TPBG: variants seen among roughly 807,000 people sequenced by gnomAD.
The protein encoded by TPBG is trophoblast glycoprotein.
A neutral mutation model predicts 19.3 loss-of-function variants in TPBG; 13 were observed. The ratio of observed to expected loss-of-function variants is 0.67; its 90% confidence interval spans 0.44 to 1.07. The LOEUF (loss-of-function observed/expected upper bound fraction) is 1.07. TPBG is among the 50% of genes least tolerant of loss of function. The probability of loss-of-function intolerance (pLI) is 0.00; values close to 1 mark genes in which losing one functional copy is unlikely to be tolerated. For synonymous variants in TPBG, 338 were observed against 259.8 expected, an observed-to-expected ratio of 1.30 and a Z score of -2.89; for missense variants, 642 against 559.6, an observed-to-expected ratio of 1.15 and a Z score of -1.49.
Position 82,365,151 on chromosome 6 carries a change from G to A in TPBG, c.190G>A (p.Ala64Thr), listed in dbSNP as rs1290573081. ...AQPPLPDQCP[A>T]LCECSEAART... ...GCCCCCGCTGCCGGACCAGTGCCCC[G>A]CGCTGTGCGAGTGCTCCGAGGCAGC... The change falls in exon 2 of 2, where the codon GCG (alanine) becomes ACG (threonine). Residue 64 changes from alanine (A) to threonine (T), a missense_variant. By Grantham distance (58) the Ala-to-Thr change is moderately conservative. Transcript: ENST00000369750. 6.2e-7 allele frequency: 1 copy of A among 1,604,984 alleles called. No individual in the cohort carries two copies. The highest frequency in any genetic ancestry group is 8.5e-7 in the Non-Finnish European group (1 of 1,176,712).
In TPBG at chr6:82,365,919, C is replaced by CG; in HGVS notation, c.960dup (p.Leu321AlafsTer21). ...AACAGAGGTAGTGCAGGGCAAAGAC[C>CG]GGCTCACCTGTGCATATCCGGAAAA... On this transcript the variant is annotated frameshift_variant, in exon 2 of 2. Transcript: ENST00000369750. LOFTEE classifies it high-confidence loss of function. 5 of 1,614,148 alleles carry CG rather than the reference C, an allele frequency of 3.1e-6. No homozygotes were observed. In the Middle Eastern group the frequency reaches 6.6e-4, roughly 213 times the overall value.
chr6:82,365,643 G>C lies in TPBG; in HGVS notation c.682G>C (p.Asp228His). ...ASNHFLYLPR[D>H]VLAQLPSLRH... ...CAACCACTTCCTTTACCTGCCGCGG[G>C]ATGTGCTGGCCCAACTGCCCAGCCT... The change falls in exon 2 of 2, where the codon GAT becomes CAT. Residue 228 changes from aspartate to histidine, a missense_variant. Coordinates refer to ENST00000369750, the MANE Select transcript of TPBG (RefSeq NM_001376922.1). 6.2e-7 allele frequency: 1 copy of C among 1,605,244 alleles called. No individual in the cohort carries two copies. The highest frequency in any genetic ancestry group is 1.7e-4 in the Middle Eastern group (1 of 6,010).
Position 82,366,101 on chromosome 6 carries a change from G to T in TPBG, c.1140G>T (p.Gly380=). 1 of 1,614,184 alleles carries T rather than the reference G, an allele frequency of 6.2e-7. No individual in the cohort carries two copies. The highest frequency in any genetic ancestry group is 8.5e-7 in the Non-Finnish European group (1 of 1,180,036). The part of the protein sequence containing the change: ...FLLVLYLNRK[G]IKKWMHNIRD... Reference sequence around the variant, plus strand: ...TGGTTTTGTATTTGAACCGCAAGGGGATAAAAAAGTGGATGCATAACATCA... The same window carrying T: ...TGGTTTTGTATTTGAACCGCAAGGGTATAAAAAAGTGGATGCATAACATCA... The change falls in exon 2 of 2, where the codon GGG becomes GGT. Residue 380 remains glycine (G), a synonymous_variant. Coordinates refer to ENST00000369750, the MANE Select transcript of TPBG (RefSeq NM_001376922.1).
In TPBG at chr6:82,366,455, C is replaced by T. The variant is rs1449583933; in HGVS notation, c.*231C>T. 4.5e-6 allele frequency: 2 copies of T among 449,208 alleles called. No individual in the cohort carries two copies. Among genetic ancestry groups the T allele is most frequent in the Non-Finnish European group, 8.0e-6 (2 of 251,436 alleles). 27.8% of individuals were successfully genotyped at this position (449,208 alleles called of 1,614,324 possible). On this transcript the variant is annotated 3_prime_UTR_variant, in exon 2 of 2. Coordinates refer to ENST00000369750, the MANE Select transcript of TPBG (RefSeq NM_001376922.1). ...TTACCCTCTTCTTTTTCTTGGAACT[C>T]CTCAACACGTATGGAGGGATTTTTC...
Position 82,366,695 on chromosome 6 carries a change from C to G in TPBG, c.*471C>G, listed in dbSNP as rs928548389. ...TAAACTGCCTGCAGACGTTAGCAGGCTCTTCAAAATAACTCCATGGTGCAC... is the reference window on the plus strand; with the variant it reads ...TAAACTGCCTGCAGACGTTAGCAGGGTCTTCAAAATAACTCCATGGTGCAC... On this transcript the variant is annotated 3_prime_UTR_variant, in exon 2 of 2. Coordinates refer to ENST00000369750, the MANE Select transcript of TPBG (RefSeq NM_001376922.1). 3.6e-5 allele frequency: 6 copies of G among 168,150 alleles called. No individual in the cohort carries two copies. Among genetic ancestry groups the G allele is most frequent in the Admixed American group, 1.9e-4 (3 of 15,438 alleles). 10.4% of individuals were successfully genotyped at this position (168,150 alleles called of 1,614,324 possible).
Position 82,365,302 on chromosome 6 carries a change from G to A in TPBG, c.341G>A (p.Arg114Gln), listed in dbSNP as rs762542188. ...CTCCCTGCCGGCGCCTTCGCCCGCC[G>A]GCCGCCGCTGGCGGAGCTGGCCGCG... Reference protein sequence around the residue: ...AVLPAGAFARRPPLAELAALN... With the variant: ...AVLPAGAFARQPPLAELAALN... The change falls in exon 2 of 2, where the codon CGG becomes CAG. Residue 114 changes from arginine to glutamine, a missense_variant. Arg to Gln is a conservative substitution (Grantham distance 43, BLOSUM62 1). Coordinates refer to ENST00000369750, the MANE Select transcript of TPBG (RefSeq NM_001376922.1). 8 of 1,564,656 alleles carry A rather than the reference G, an allele frequency of 5.1e-6. No homozygotes were observed. Among genetic ancestry groups the A allele is most frequent in the Non-Finnish European group, 6.9e-6 (8 of 1,165,624 alleles).
intron 1 of TPBG, 126 bp from the exon 2 acceptor site, chr6:82,364,497 G>T (rs745560221): frequency 5.1e-5 from 8 of 157,200 alleles, no homozygotes; most frequent in Non-Finnish European, 9.8e-5. Context: ...AGGCGAGGCC[G>T]GGGCGGGCTT....
Position 82,365,939 on chromosome 6 carries a change from G to C in TPBG, c.978G>C (p.Pro326=). The stretch of plus-strand genomic sequence containing the variant: ...AAGACCGGCTCACCTGTGCATATCC[G>C]GAAAAAATGAGGAATCGGGTCCTCT... ...QGKDRLTCAY[P]EKMRNRVLLE... The change falls in exon 2 of 2, where the codon CCG becomes CCC. Residue 326 remains proline (P), a synonymous_variant. Transcript: ENST00000369750. The C allele has an allele frequency of 6.2e-7, 1 of 1,614,008 alleles. No homozygotes were observed. The highest frequency in any genetic ancestry group is 8.5e-7 in the Non-Finnish European group (1 of 1,180,004).
upstream of TPBG, chr6:82,363,325 T>C (rs1185751588): frequency 6.6e-6 from 1 of 152,054 alleles, no homozygotes; most frequent in African/African-American, 2.4e-5. Flanking sequence ...AATCTGAAGT[T>C]TGCGGCCTCA....
chr6:82,365,126 G>T lies in TPBG; in HGVS notation c.165G>T (p.Gln55His). 2 of 1,598,430 alleles carry T rather than the reference G, an allele frequency of 1.3e-6. No individual in the cohort carries two copies. Among genetic ancestry groups the T allele is most frequent in the Non-Finnish European group, 1.7e-6 (2 of 1,173,272 alleles). Residue 55 changes from glutamine to histidine, a missense_variant, in exon 2 of 2, where the codon CAG becomes CAT. Coordinates refer to ENST00000369750, the MANE Select transcript of TPBG (RefSeq NM_001376922.1). ...TCCTGGCTTCCGCCGTGTCCGCCCA[G>T]CCCCCGCTGCCGGACCAGTGCCCCG... The part of the protein sequence containing the change: ...APFLASAVSA[Q>H]PPLPDQCPAL...
chr6:82,363,512 T>A (rs1274469223), upstream of TPBG: 1 of 152,108 alleles, frequency 6.6e-6, no homozygotes, highest in African/African-American at 2.4e-5. Context: ...TTCCACGAGA[T>A]TCACCAGCGG....
Position 82,367,363 on chromosome 6 carries a change from A to T in TPBG, c.*1139A>T, listed in dbSNP as rs1463127585. 6.7e-6 allele frequency: 1 copy of T among 149,796 alleles called. No homozygotes were observed. The highest frequency in any genetic ancestry group is 2.5e-5 in the African/African-American group (1 of 40,096). 9.3% of individuals were successfully genotyped at this position (149,796 alleles called of 1,614,324 possible). A position where few individuals can be genotyped will look rare whatever the true frequency, so the allele number is the denominator to read the frequency against. ...AAATGTAATGCAAATAAATATAAAGATAAAGTGTCTTAAAGACAATATTCT... is the reference window on the plus strand; with the variant it reads ...AAATGTAATGCAAATAAATATAAAGTTAAAGTGTCTTAAAGACAATATTCT... On this transcript the variant is annotated 3_prime_UTR_variant, in exon 2 of 2. Transcript: ENST00000369750.
rs1460943554 is a variant in TPBG at position 82,366,371 on chromosome 6, TG to T, written c.*148del. ...GTGAAGGGGATTTGCTTCCTTGTTATGTAAAGTTTCTCGGTGTGTTCTGTTA... is the reference window on the plus strand; with the variant it reads ...GTGAAGGGGATTTGCTTCCTTGTTATTAAAGTTTCTCGGTGTGTTCTGTTA... On this transcript the variant is annotated 3_prime_UTR_variant, in exon 2 of 2. Coordinates refer to ENST00000369750, the MANE Select transcript of TPBG (RefSeq NM_001376922.1). The T allele has an allele frequency of 2.1e-6, 2 of 934,660 alleles. No homozygotes were observed. The highest frequency in any genetic ancestry group is 3.3e-5 in the African/African-American group (2 of 59,724). 57.9% of individuals were successfully genotyped at this position (934,660 alleles called of 1,614,324 possible).
In TPBG at chr6:82,365,129, C is replaced by G; in HGVS notation, c.168C>G (p.Pro56=). The change falls in exon 2 of 2, where the codon CCC becomes CCG. Residue 56 remains proline, a synonymous_variant. Coordinates refer to ENST00000369750, the MANE Select transcript of TPBG (RefSeq NM_001376922.1). The stretch of plus-strand genomic sequence containing the variant: ...TGGCTTCCGCCGTGTCCGCCCAGCC[C>G]CCGCTGCCGGACCAGTGCCCCGCGC... ...PFLASAVSAQ[P]PLPDQCPALC... is the part of the protein sequence containing the mutation. The G allele has an allele frequency of 6.2e-7, 1 of 1,601,112 alleles. No homozygotes were observed. Among genetic ancestry groups the G allele is most frequent in the African/African-American group, 1.4e-5 (1 of 74,070 alleles).
In TPBG at chr6:82,365,977, G is replaced by A; in HGVS notation, c.1016G>A (p.Ser339Asn). The change falls in exon 2 of 2, where the codon AGT becomes AAT. Residue 339 changes from serine to asparagine, a missense_variant. Coordinates refer to ENST00000369750, the MANE Select transcript of TPBG (RefSeq NM_001376922.1). The stretch of plus-strand genomic sequence containing the variant: ...AATCGGGTCCTCTTGGAACTCAACA[G>A]TGCTGACCTGGACTGTGACCCGATT... The part of the protein sequence containing the change: ...MRNRVLLELN[S>N]ADLDCDPILP... 1 of 1,614,060 alleles carries A rather than the reference G, an allele frequency of 6.2e-7. No homozygotes were observed.
Position 82,364,879 on chromosome 6 carries a change from C to A in TPBG, c.-83C>A. 1 of 1,199,802 alleles carries A rather than the reference C, an allele frequency of 8.3e-7. No homozygotes were observed. Among genetic ancestry groups the A allele is most frequent in the Non-Finnish European group, 1.1e-6 (1 of 911,886 alleles). The allele number at this position is 1,199,802 out of a possible 1,614,324, so 74.3% of individuals were successfully genotyped here. On this transcript the variant is annotated 5_prime_UTR_variant, in exon 2 of 2. Coordinates refer to ENST00000369750, the MANE Select transcript of TPBG (RefSeq NM_001376922.1). Reference sequence around the variant, plus strand: ...GTTTTTTTTTTCCAGACGCTTCCGCCGGCTCGCGCCCTCCGGGCCCAGCCT... The same window carrying A: ...GTTTTTTTTTTCCAGACGCTTCCGCAGGCTCGCGCCCTCCGGGCCCAGCCT...
At position 82,365,511 on chromosome 6, in the gene TPBG, G is replaced by A; in HGVS notation, c.550G>A (p.Val184Met). 1 of 1,584,364 alleles carries A rather than the reference G, an allele frequency of 6.3e-7. No individual in the cohort carries two copies. The highest frequency in any genetic ancestry group is 1.2e-5 in the South Asian group (1 of 85,332). ...TGTGGAACTGATCCTGAACCACATC[G>A]TGCCCCCTGAAGATGAGCGGCAGAA... ...PLVELILNHI[V>M]PPEDERQNRS... is the part of the protein sequence containing the mutation. Residue 184 changes from valine (V) to methionine (M), a missense_variant, in exon 2 of 2, where the codon GTG (valine) becomes ATG (methionine). Transcript: ENST00000369750.
In TPBG at chr6:82,364,882, C is replaced by A; in HGVS notation, c.-80C>A. The A allele has an allele frequency of 8.2e-7, 1 of 1,218,800 alleles. No homozygotes were observed. The highest frequency in any genetic ancestry group is 1.1e-6 in the Non-Finnish European group (1 of 929,376). 75.5% of individuals were successfully genotyped at this position (1,218,800 alleles called of 1,614,324 possible). A position where few individuals can be genotyped will look rare whatever the true frequency, so the allele number is the denominator to read the frequency against. On this transcript the variant is annotated 5_prime_UTR_variant, in exon 2 of 2. Transcript: ENST00000369750. The stretch of plus-strand genomic sequence containing the variant: ...TTTTTTTTCCAGACGCTTCCGCCGG[C>A]TCGCGCCCTCCGGGCCCAGCCTCCC...
rs1022333233 is a variant in TPBG at position 82,366,277 on chromosome 6, C to T, written c.*53C>T. ...ACTCTGCATGAGATGTAGACTTAAG[C>T]TTTATCCCTACTAGGCTTGCTCCAC... On this transcript the variant is annotated 3_prime_UTR_variant, in exon 2 of 2. Coordinates refer to ENST00000369750, the MANE Select transcript of TPBG (RefSeq NM_001376922.1). 6.4e-5 allele frequency: 97 copies of T among 1,522,264 alleles called. No individual in the cohort carries two copies. Among genetic ancestry groups the T allele is most frequent in the Non-Finnish European group, 2.4e-5 (27 of 1,135,458 alleles). 94.3% of individuals were successfully genotyped at this position (1,522,264 alleles called of 1,614,324 possible). A position where few individuals can be genotyped will look rare whatever the true frequency, so the allele number is the denominator to read the frequency against.
Sources: gnomAD v4.1 joint callset for allele counts on GRCh38, gnomAD v4.1.1 for gene constraint, MANE v1.5 for transcripts, NCBI Gene and HGNC (gene_info 2026-07-23, HGNC 2026-07-21) for gene names.